Variants in MATN2 observed in about 807,000 individuals in gnomAD.
MATN2 encodes matrilin-2.
MATN2 carries 69 observed loss-of-function variants against 103.2 expected under a neutral mutation model. The observed-to-expected ratio is 0.67, with a 90% CI of 0.55 to 0.82. The LOEUF is 0.82. MATN2 is among the 40% of genes least tolerant of loss of function. The pLI, the probability that MATN2 is intolerant of heterozygous loss-of-function variation, is 0.00. For missense variants in MATN2, 1,023 were observed against 1,211.5 expected, an observed-to-expected ratio of 0.84 and a Z score of 2.31; for synonymous variants, 429 against 450.2, an observed-to-expected ratio of 0.95 and a Z score of 0.60.
intron 2 of MATN2, among the ~76,000 whole-genome samples, chr8:97,889,489 A>ATATATATATAT: frequency 3.9e-4 from 56 of 143,620 alleles, no homozygotes; most frequent in East Asian, 8.4e-4. Flanking sequence ...ATATATATAT[A>ATATATATATAT]AAACTGATGA....
At chr8:97,869,914 A>G (rs952105315) in intron 1 of MATN2, among the ~76,000 whole-genome samples, 7 of 152,176 alleles carry the variant, frequency 4.6e-5, no homozygotes, top group Admixed American at 4.6e-4. Context: ...CTGGGGGCAC[A>G]GGAAAGTGCT....
rs560784575 is a variant in MATN2, at chr8:97,893,473, G to C, written c.142+5231G>C. On this transcript the variant is annotated intron_variant, in intron 2 of 18. Transcript: ENST00000254898. ...TCTTTGTTACCCCACTTTCCTATGA[G>C]GAGGTGGACCTGTCTCCAGAACAAC... is the stretch of plus-strand genomic sequence containing the variant. Among the ~76,000 whole-genome samples, 8 of 152,252 alleles carry C rather than the reference G, an allele frequency of 5.3e-5. No individual in the cohort carries two copies. The South Asian group carries it at 1.7e-3, about 32-fold the overall frequency.
intron 3 of MATN2, among the ~76,000 whole-genome samples, chr8:97,939,291 G>A (rs113141622): frequency 3.3e-5 from 5 of 152,114 alleles, no homozygotes; most frequent in African/African-American, 7.2e-5. Context: ...AAGGCACATC[G>A]CAGCCTTTCT....
At chr8:97,926,171 G>A (rs1026033791) in intron 2 of MATN2, among the ~76,000 whole-genome samples, 2 of 152,106 alleles carry the variant, frequency 1.3e-5, no homozygotes, top group African/African-American at 2.4e-5. Flanking sequence ...ATCACTTTAT[G>A]GTTAGAGGGA....
At chr8:97,905,994 A>G (rs1195832383) in intron 2 of MATN2, among the ~76,000 whole-genome samples, 1 of 152,190 alleles carries the variant, frequency 6.6e-6, no homozygotes, top group Non-Finnish European at 1.5e-5. Context: ...GCTGCTATGA[A>G]CATTAGCACA....
intron 6 of MATN2, among the ~76,000 whole-genome samples, chr8:97,986,112 G>A (rs1812184266): frequency 6.6e-6 from 1 of 152,016 alleles, no homozygotes; most frequent in South Asian, 2.1e-4. Flanking sequence ...ACATTCTTAT[G>A]CTTGAATCTT....
At chr8:97,902,492 C>T (rs146977877) in intron 2 of MATN2, among the ~76,000 whole-genome samples, 5,535 of 137,460 alleles carry the variant, frequency 0.04, 322 homozygotes, top group African/African-American at 0.13. Context: ...AACGAAACTC[C>T]GTCTCAAAAA....
In MATN2 at chr8:98,007,341, C is replaced by A; in HGVS notation, c.1450+114C>A. The A allele has an allele frequency of 6.4e-7, 1 of 1,558,074 alleles. No individual in the cohort carries two copies. Among genetic ancestry groups the A allele is most frequent in the Admixed American group, 1.7e-5 (1 of 57,578 alleles). The stretch of plus-strand genomic sequence containing the variant: ...CACCCCTCCCCTGCCCCTTGCTCTG[C>A]TCCAGGAGATAGTGAGGATGTCCAC... On this transcript the variant is annotated intron_variant, in intron 9 of 18. Transcript: ENST00000254898. This position sits in a 1 kb window ranked among gnomAD's most constrained non-coding sequence, Gnocchi z 4.2.
Position 97,943,265 on chromosome 8 carries a change from C to T in MATN2, c.835+1366C>T, listed in dbSNP as rs36033675. Among the ~76,000 whole-genome samples, 618 of 152,102 alleles carry T rather than the reference C, an allele frequency of 4.1e-3. 1 individual carries two copies. The highest frequency in any genetic ancestry group is 7.0e-3 in the Non-Finnish European group (476 of 67,986). ...ACCTCCACCTCTTCAGGTGTTCTAC[C>T]TCCCCACAACCATCCTCTGGAGGCA... On this transcript the variant is annotated intron_variant, in intron 4 of 18. Coordinates refer to ENST00000254898, the MANE Select transcript of MATN2 (RefSeq NM_002380.5).
intron 1 of MATN2, among the ~76,000 whole-genome samples, chr8:97,872,421 T>A (rs1448908849): frequency 6.6e-6 from 1 of 152,214 alleles, no homozygotes; most frequent in Non-Finnish European, 1.5e-5. Context: ...TTTATGTTGT[T>A]GTATTAGTTG....
At chr8:98,032,191 C>T (rs1250455145) in intron 15 of MATN2, 55 bp from the exon 16 acceptor site, 1 of 1,431,004 alleles carries the variant, frequency 7.0e-7, no homozygotes, top group Non-Finnish European at 9.7e-7. Context: ...TCCTGAAGAA[C>T]ACACACATGC....
Position 97,931,012 on chromosome 8 carries a change from G to A in MATN2, c.202G>A (p.Val68Ile). The change falls in exon 3 of 19, where the codon GTC (valine) becomes ATC (isoleucine). Residue 68 changes from valine (V) to isoleucine (I), a missense_variant. Coordinates refer to ENST00000254898, the MANE Select transcript of MATN2 (RefSeq NM_002380.5). The surrounding 1 kb of genome is among the most constrained non-coding windows in gnomAD (Gnocchi z 4.1). ...LVFIIDSSRS[V>I]NTHDYAKVKE... ...TTTCATCATTGACAGCTCTCGCAGT[G>A]TCAACACCCATGACTATGCAAAGGT... The A allele has an allele frequency of 6.2e-7, 1 of 1,613,946 alleles. No homozygotes were observed.
chr8:98,020,955 A>C lies in MATN2; in HGVS notation c.1820-250A>C, dbSNP rs960479871. On this transcript the variant is annotated intron_variant, in intron 12 of 18. Coordinates refer to ENST00000254898, the MANE Select transcript of MATN2 (RefSeq NM_002380.5). ...GAAATTAGAAGCTAAAGCACATCTA[A>C]TAATAGGATAGTAAGTCAAGGACAC... The C allele has an allele frequency of 5.1e-5, 17 of 332,702 alleles. No homozygotes were observed. The Admixed American group carries it at 5.5e-4, about 11-fold the overall frequency. The allele number at this position is 332,702 out of a possible 1,614,324, so 20.6% of individuals were successfully genotyped here.
chr8:97,905,274 A>G (rs968478057), intron 2 of MATN2, among the ~76,000 whole-genome samples: 1 of 152,206 alleles, frequency 6.6e-6, no homozygotes, highest in Non-Finnish European at 1.5e-5. Context: ...TTTATAGTAC[A>G]TGTTTGATGG....
intron 4 of MATN2, among the ~76,000 whole-genome samples, chr8:97,944,272 A>G (rs1273449465): frequency 6.6e-6 from 1 of 152,230 alleles, no homozygotes; most frequent in Non-Finnish European, 1.5e-5. Flanking sequence ...ACACTTTGAG[A>G]TTCACTGGCC....
chr8:97,900,000 G>A (rs78426636), intron 2 of MATN2, among the ~76,000 whole-genome samples: 3,293 of 152,306 alleles, frequency 0.022, 67 homozygotes, highest in Non-Finnish European at 0.036. Flanking sequence ...TCCAGCAAGC[G>A]CAGTGGGCTG....
chr8:97,891,627 T>C (rs1331050001), intron 2 of MATN2, among the ~76,000 whole-genome samples: 6 of 152,064 alleles, frequency 3.9e-5, no homozygotes, highest in Non-Finnish European at 7.4e-5. Flanking sequence ...CGTGAGCCAC[T>C]GTGCCCAGCC....
At chr8:97,960,061 T>G (rs1371843998) in intron 4 of MATN2, among the ~76,000 whole-genome samples, 1 of 152,162 alleles carries the variant, frequency 6.6e-6, no homozygotes, top group Admixed American at 6.5e-5. Flanking sequence ...GCCATTCTCC[T>G]GCCTCAGCCT....
chr8:97,998,324 T>G (rs1306500634), intron 7 of MATN2, among the ~76,000 whole-genome samples: 1 of 150,324 alleles, frequency 6.7e-6, no homozygotes, highest in East Asian at 2.0e-4. Flanking sequence ...ATCGAGACCA[T>G]CCTGGCTAAC....
Sources: gnomAD v4.1 joint callset for allele counts (sites outside exome capture counted in the v4.1 genomes callset) on GRCh38, gnomAD v4.1.1 for gene constraint, Gnocchi (gnomAD v3.1) non-coding constraint, MANE v1.5 for transcripts, NCBI Gene and HGNC (gene_info 2026-07-23, HGNC 2026-07-21) for gene names.